Variants in TARDBP observed in about 807,000 individuals in gnomAD.
TARDBP encodes the protein TAR DNA-binding protein 43.
In TARDBP, 4 loss-of-function variants were observed where a neutral mutation model predicts 38.3. That is an observed-to-expected ratio of 0.10 (90% CI 0.05 to 0.24). The LOEUF (loss-of-function observed/expected upper bound fraction) is 0.24, where lower values mean the gene tolerates loss of function less well. TARDBP is among the 10% of genes least tolerant of loss of function. The pLI, the probability that TARDBP is intolerant of heterozygous loss-of-function variation, is 1.00. For synonymous variants in TARDBP, 184 were observed against 183.8 expected (o/e 1.00, Z -0.01); for missense variants, 202 against 521.9 (o/e 0.39, Z 5.97).
At chr1:11,020,627 G>T in intron 5 of TARDBP, 28 bp downstream of exon 5, 1 of 1,604,202 alleles carries the variant, frequency 6.2e-7, no homozygotes, top group Non-Finnish European at 8.5e-7. Context: ...GATATGTCCC[G>T]GCCGGGCGTG....
chr1:11,026,950 A>C (rs535938819), downstream of TARDBP: 1 of 1,540,300 alleles, frequency 6.5e-7, no homozygotes, highest in South Asian at 1.3e-5. Flanking sequence ...TAGACTCCAT[A>C]CTGACCTGCT....
downstream of TARDBP, chr1:11,027,470 T>G: frequency 1.9e-6 from 3 of 1,614,178 alleles, no homozygotes; most frequent in Non-Finnish European, 2.5e-6. Context: ...CCAGGGCGGA[T>G]GCATCATGTT....
chr1:11,027,718 C>A, downstream of TARDBP: 2 of 1,486,880 alleles, frequency 1.3e-6, no homozygotes, highest in South Asian at 1.3e-5. Flanking sequence ...AAATTATGAC[C>A]GCCTTGAAGT....
At chr1:11,021,509 C>G (rs747563920) in intron 5 of TARDBP, among the ~76,000 whole-genome samples, 26 of 152,096 alleles carry the variant, frequency 1.7e-4, no homozygotes, top group Non-Finnish European at 3.2e-4. Flanking sequence ...AACTCCTGAC[C>G]TCAGGTGATC....
Position 11,023,431 on chromosome 1 carries a change from T to G in TARDBP, c.*777T>G. On this transcript the variant is annotated 3_prime_UTR_variant, in exon 6 of 6. Transcript: ENST00000240185. ...GGAACCAGAAGGCTGTCTGAACTTT[T>G]GAAACCTTGTGTGGGATTGATGGTG... 1 of 672,206 alleles carries G rather than the reference T, an allele frequency of 1.5e-6. No individual in the cohort carries two copies. The highest frequency in any genetic ancestry group is 2.5e-6 in the Non-Finnish European group (1 of 399,134). The allele number at this position is 672,206 out of a possible 1,614,324, so 41.6% of individuals were successfully genotyped here.
chr1:11,017,860 G>A lies in TARDBP; in HGVS notation c.402+853G>A, dbSNP rs144401164. ...GCCAGGAGTTCAAGGCCACCTTGGC[G>A]AACATATCCAGACTCAGTTTCTCTT... On this transcript the variant is annotated intron_variant, in intron 3 of 5. Coordinates refer to ENST00000240185, the MANE Select transcript of TARDBP (RefSeq NM_007375.4). Among the ~76,000 whole-genome samples the A allele has an allele frequency of 7.0e-4, 106 of 151,304 alleles. 1 individual carries two copies. The East Asian group carries it at 0.014, about 20-fold the overall frequency.
rs966634734 is a variant in TARDBP at position 11,022,761 on chromosome 1, G to C, written c.*107G>C. ...ATATGTACTAAGAATTTTCAAAATT[G>C]GTTTGTTCAGTGTGGAGTATATTCA... On this transcript the variant is annotated 3_prime_UTR_variant, in exon 6 of 6. Coordinates refer to ENST00000240185, the MANE Select transcript of TARDBP (RefSeq NM_007375.4). This position sits in a 1 kb window ranked among gnomAD's most constrained non-coding sequence, Gnocchi z 4.5. 3.4e-5 allele frequency: 50 copies of C among 1,490,152 alleles called. No individual in the cohort carries two copies. The highest frequency in any genetic ancestry group is 4.4e-5 in the Non-Finnish European group (49 of 1,121,030). 92.3% of individuals were successfully genotyped at this position (1,490,152 alleles called of 1,614,324 possible).
At position 11,023,662 on chromosome 1, in the gene TARDBP, T is replaced by G. The variant is rs141412238; in HGVS notation, c.*1008T>G. The G allele has an allele frequency of 1.5e-3, 310 of 207,592 alleles. 2 individuals carry two copies. The highest frequency in any genetic ancestry group is 2.3e-3 in the Non-Finnish European group (234 of 102,860). The allele number at this position is 207,592 out of a possible 1,614,324, so 12.9% of individuals were successfully genotyped here. On this transcript the variant is annotated 3_prime_UTR_variant, in exon 6 of 6. Coordinates refer to ENST00000240185, the MANE Select transcript of TARDBP (RefSeq NM_007375.4). ...AGGACATCCACATCTGTTGGAAGAC[T>G]TTTAAGTGAGTTTTTGTTCTTAGAT...
At chr1:11,026,122 T>C (rs77582207), downstream of TARDBP, 1,000 of 154,684 alleles carry the variant, frequency 6.5e-3, 6 homozygotes, top group Non-Finnish European at 0.011. Context: ...TTCCAATTGC[T>C]GGGAATATCC....
intron 1 of TARDBP, 98 bp from the exon 2 acceptor site, chr1:11,013,618 C>G: frequency 2.9e-6 from 3 of 1,028,432 alleles, no homozygotes; most frequent in Non-Finnish European, 4.4e-6. Flanking sequence ...AAGCATTTTT[C>G]TGGAAGTCAG....
chr1:11,027,212 C>T (rs1222029753), downstream of TARDBP: 1 of 1,614,066 alleles, frequency 6.2e-7, no homozygotes, highest in Admixed American at 1.7e-5. Flanking sequence ...CAAGAAAACC[C>T]CTTTGGGTTA....
chr1:11,018,882 G>T lies in TARDBP; in HGVS notation c.543+9G>T, dbSNP rs370342366. The T allele has an allele frequency of 1.2e-6, 2 of 1,613,868 alleles. No homozygotes were observed. The highest frequency in any genetic ancestry group is 4.5e-5 in the East Asian group (2 of 44,884). On this transcript the variant is annotated intron_variant, in intron 4 of 5. Coordinates refer to ENST00000240185, the MANE Select transcript of TARDBP (RefSeq NM_007375.4). ...AACTTCCTAATTCTAAGGTACTTGC[G>T]TCTGTGCTTTGGGAATTTTTGCCAA... is the stretch of plus-strand genomic sequence containing the variant.
intron 2 of TARDBP, among the ~76,000 whole-genome samples, 173 bp from the exon 3 acceptor site, chr1:11,016,671 A>C (rs1186243303): frequency 6.6e-6 from 1 of 152,212 alleles, no homozygotes. Flanking sequence ...CTCAGACACT[A>C]AACTTAAGCC....
chr1:11,030,104 C>T (rs574953462), downstream of TARDBP: 3 of 1,091,902 alleles, frequency 2.7e-6, no homozygotes, highest in South Asian at 4.1e-5. Context: ...ACAGCTAAAG[C>T]TCTCCTCACT....
intron 4 of TARDBP, among the ~76,000 whole-genome samples, chr1:11,019,353 A>AC (rs1229618794): frequency 1.3e-5 from 2 of 152,194 alleles, no homozygotes; most frequent in African/African-American, 4.8e-5. Flanking sequence ...TCAGCAGCAG[A>AC]CCTCGTGTAC....
At chr1:11,019,040 G>C (rs1643583665) in intron 4 of TARDBP, 167 bp downstream of exon 4, 14 of 837,514 alleles carry the variant, frequency 1.7e-5, no homozygotes, top group South Asian at 1.5e-4. Context: ...TTTTATGCTT[G>C]TTTGAAATAT....
rs1238234842 is a variant in TARDBP, at chr1:11,022,724, A to G, written c.*70A>G. On this transcript the variant is annotated 3_prime_UTR_variant, in exon 6 of 6. Transcript: ENST00000240185. This position sits in a 1 kb window ranked among gnomAD's most constrained non-coding sequence, Gnocchi z 4.5. ...ATTTTTCTAAACTCATGGTAAGTATATTGTAAAATACATATGTACTAAGAA... is the reference window on the plus strand; with the variant it reads ...ATTTTTCTAAACTCATGGTAAGTATGTTGTAAAATACATATGTACTAAGAA... The G allele has an allele frequency of 1.9e-6, 3 of 1,558,868 alleles. No homozygotes were observed. The highest frequency in any genetic ancestry group is 1.4e-5 in the African/African-American group (1 of 72,942).
intron 1 of TARDBP, 122 bp from the exon 2 acceptor site, chr1:11,013,594 A>T (rs1325935437): frequency 1.2e-6 from 1 of 802,670 alleles, no homozygotes; most frequent in Admixed American, 2.1e-5. Flanking sequence ...ACCAATGCAT[A>T]TACGAATCCA....
intron 2 of TARDBP, among the ~76,000 whole-genome samples, chr1:11,014,187 G>A (rs1643469961): frequency 6.6e-6 from 1 of 152,186 alleles, no homozygotes; most frequent in African/African-American, 2.4e-5. Context: ...AAAAATATCT[G>A]AATAAACTTT....
Sources: gnomAD v4.1 joint callset for allele counts (sites outside exome capture counted in the v4.1 genomes callset) on GRCh38, gnomAD v4.1.1 for gene constraint, Gnocchi (gnomAD v3.1) non-coding constraint, MANE v1.5 for transcripts, NCBI Gene and HGNC (gene_info 2026-07-23, HGNC 2026-07-21) for gene names.